The following RCOR3 variants were observed in gnomAD, a reference collection of about 807,000 sequenced individuals.
The protein encoded by RCOR3 is REST corepressor 3.
A neutral mutation model predicts 64.1 loss-of-function variants in RCOR3; 13 were observed. The observed-to-expected ratio is 0.20, with a 90% CI of 0.13 to 0.32. The LOEUF (loss-of-function observed/expected upper bound fraction) is 0.32. Ranked by LOEUF, RCOR3 falls within the 10% of genes least tolerant of loss-of-function variation. The probability of loss-of-function intolerance (pLI) is 1.00; values close to 1 mark genes in which losing one functional copy is unlikely to be tolerated. For synonymous variants in RCOR3, 215 were observed against 239.0 expected (o/e 0.90, Z 0.93); for missense variants, 489 against 701.2 (o/e 0.70, Z 3.42).
intron 4 of RCOR3, among the ~76,000 whole-genome samples, chr1:211,275,478 T>C (rs933423816): frequency 6.6e-6 from 1 of 151,992 alleles, no homozygotes; most frequent in Non-Finnish European, 1.5e-5. Flanking sequence ...AGGACTGTTA[T>C]CAGAGTACAG....
chr1:211,264,846 CGTT>C (rs1293558645), intron 2 of RCOR3, among the ~76,000 whole-genome samples: 2 of 152,074 alleles, frequency 1.3e-5, no homozygotes, highest in African/African-American at 4.8e-5. Flanking sequence ...ATTTTCTTTC[CGTT>C]GTTCACTAGA....
chr1:211,286,558 C>T (rs961973875), intron 7 of RCOR3, among the ~76,000 whole-genome samples: 5 of 152,126 alleles, frequency 3.3e-5, no homozygotes, highest in African/African-American at 4.8e-5. Flanking sequence ...CCGCCCCCCT[C>T]GGCCTCCCAA....
chr1:211,271,137 A>T (rs531070057), intron 2 of RCOR3, 95 bp from the exon 3 acceptor site: 125 of 1,052,134 alleles, frequency 1.2e-4, no homozygotes, highest in African/African-American at 1.0e-3. Flanking sequence ...GATTACAGGC[A>T]TGAGCCACCG....
chr1:211,277,997 C>G, intron 5 of RCOR3, 120 bp from the exon 6 acceptor site: 1 of 853,496 alleles, frequency 1.2e-6, no homozygotes, highest in South Asian at 1.7e-5. Flanking sequence ...CTCTATAATT[C>G]ATAAAGGTAC....
intron 4 of RCOR3, among the ~76,000 whole-genome samples, chr1:211,274,895 C>T (rs1468100176): frequency 6.6e-6 from 1 of 151,622 alleles, no homozygotes; most frequent in African/African-American, 2.4e-5. Context: ...ATTGGCTACC[C>T]ACAGATTGGT....
At chr1:211,290,728 C>G (rs1699150958) in intron 8 of RCOR3, among the ~76,000 whole-genome samples, 1 of 152,038 alleles carries the variant, frequency 6.6e-6, no homozygotes, top group Non-Finnish European at 1.5e-5. Context: ...CACATTGTTG[C>G]CAGTGTTATC....
At position 211,314,295 on chromosome 1, in the gene RCOR3, G is replaced by A. The variant is rs1236265091; in HGVS notation, c.*527G>A. The A allele has an allele frequency of 1.3e-5, 2 of 151,914 alleles. No individual in the cohort carries two copies. The highest frequency in any genetic ancestry group is 2.9e-5 in the Non-Finnish European group (2 of 68,012). The allele number at this position is 151,914 out of a possible 1,614,324, so 9.4% of individuals were successfully genotyped here. On this transcript the variant is annotated 3_prime_UTR_variant, in exon 12 of 12. Coordinates refer to ENST00000419091, the MANE Select transcript of RCOR3 (RefSeq NM_001136223.3). ...ATATGTTCATTTTATGCATATTTAA[G>A]AAATTATAGCTGCATATCCCTTCTT...
chr1:211,274,101 T>TTA, intron 3 of RCOR3, 109 bp from the exon 4 acceptor site: 1 of 681,358 alleles, frequency 1.5e-6, no homozygotes, highest in South Asian at 2.6e-5. Flanking sequence ...GGCTTTTTTT[T>TTA]TTACCCTGGA....
chr1:211,268,741 T>C (rs1011397349), intron 2 of RCOR3, among the ~76,000 whole-genome samples: 2 of 152,220 alleles, frequency 1.3e-5, no homozygotes, highest in Non-Finnish European at 2.9e-5. Context: ...TCCTAAATTC[T>C]CAGCTCATGC....
In RCOR3 at chr1:211,312,158, G is replaced by C. The variant is rs1701550836; in HGVS notation, c.1076-562G>C. 5 of 205,674 alleles carry C rather than the reference G, an allele frequency of 2.4e-5. No individual in the cohort carries two copies. The South Asian group carries it at 3.4e-4, about 14-fold the overall frequency. The allele number at this position is 205,674 out of a possible 1,614,324, so 12.7% of individuals were successfully genotyped here. On this transcript the variant is annotated intron_variant, in intron 10 of 11. Transcript: ENST00000419091. The surrounding 1 kb of genome is among the most constrained non-coding windows in gnomAD (Gnocchi z 5.0). ...TGATTCTCCTGCTTTTCATGTTTAA[G>C]TTCTTATCTAATTTCAATTTGTTGG...
At chr1:211,293,676 C>G (rs544700779) in intron 8 of RCOR3, among the ~76,000 whole-genome samples, 1 of 152,158 alleles carries the variant, frequency 6.6e-6, no homozygotes, top group East Asian at 1.9e-4. Flanking sequence ...CTTATCTCCC[C>G]ACTAGTCTAT....
At chr1:211,295,600 C>A in intron 8 of RCOR3, 76 bp from the exon 9 acceptor site, 3 of 1,206,868 alleles carry the variant, frequency 2.5e-6, no homozygotes, top group Non-Finnish European at 3.7e-6. Context: ...GGAATATATT[C>A]TTTTCACTTA....
chr1:211,306,017 A>G (rs1700817274), intron 10 of RCOR3, among the ~76,000 whole-genome samples: 2 of 152,144 alleles, frequency 1.3e-5, no homozygotes, highest in South Asian at 4.1e-4. Flanking sequence ...GCACTTTCTT[A>G]ATAATGTGTT....
intron 1 of RCOR3, 95 bp downstream of exon 1, chr1:211,259,821 C>A (rs1345702759): frequency 1.7e-6 from 2 of 1,202,072 alleles, no homozygotes; most frequent in Non-Finnish European, 2.2e-6. Context: ...CGCCCTCCCT[C>A]CCCTCAGAGC....
intron 7 of RCOR3, among the ~76,000 whole-genome samples, chr1:211,286,312 C>T (rs57626920): frequency 1.6e-5 from 2 of 122,986 alleles, no homozygotes; most frequent in Non-Finnish European, 3.5e-5. Flanking sequence ...TATTTCTTTT[C>T]TTTTTTTTTT....
At chr1:211,309,619 G>A (rs1248675996) in intron 10 of RCOR3, among the ~76,000 whole-genome samples, 1 of 152,142 alleles carries the variant, frequency 6.6e-6, no homozygotes, top group East Asian at 1.9e-4. Flanking sequence ...CTAGAAGTGA[G>A]ACTTTAACAA....
Position 211,312,944 on chromosome 1 carries a change from A to G in RCOR3, c.1300A>G (p.Thr434Ala), listed in dbSNP as rs746471935. 9 of 1,613,980 alleles carry G rather than the reference A, an allele frequency of 5.6e-6. No homozygotes were observed. The African/African-American group carries it at 1.2e-4, about 22-fold the overall frequency. ...SASNVPSGKSTDEEEEAQTPQ... is the reference protein window; with the variant it reads ...SASNVPSGKSADEEEEAQTPQ... Reference sequence around the variant, plus strand: ...TTCTAATGTGCCATCAGGGAAGAGCACTGATGAAGAAGAGGAGGTGTGTTT... The same window carrying G: ...TTCTAATGTGCCATCAGGGAAGAGCGCTGATGAAGAAGAGGAGGTGTGTTT... Residue 434 changes from threonine to alanine, a missense_variant, in exon 11 of 12, where the codon ACT (threonine) becomes GCT (alanine). This residue lies in a region of RCOR3 where 402 missense variants were observed against 617.0 expected (regional missense o/e 0.65). Coordinates refer to ENST00000419091, the MANE Select transcript of RCOR3 (RefSeq NM_001136223.3). The surrounding 1 kb of genome is among the most constrained non-coding windows in gnomAD (Gnocchi z 5.0).
At chr1:211,271,438 ATTTTTTT>A (rs940336096) in intron 3 of RCOR3, 129 bp downstream of exon 3, 1 of 708,510 alleles carries the variant, frequency 1.4e-6, no homozygotes, top group Non-Finnish European at 2.4e-6. Context: ...TTTATTTTTT[ATTTTTTT>A]ATTTTTTTTT....
intron 2 of RCOR3, among the ~76,000 whole-genome samples, chr1:211,270,520 A>G (rs947443422): frequency 1.4e-5 from 2 of 146,432 alleles, no homozygotes; most frequent in Non-Finnish European, 3.0e-5. Context: ...TAAAAATTAC[A>G]GCAATCTTGG....
Sources: allele counts gnomAD v4.1 joint callset (sites outside exome capture counted in the v4.1 genomes callset), GRCh38; gene constraint gnomAD v4.1.1; regional missense constraint gnomAD v4.1.1; non-coding constraint Gnocchi (gnomAD v3.1); transcripts MANE v1.5; gene names NCBI Gene and HGNC (gene_info 2026-07-23, HGNC 2026-07-21).